TENM3: variants seen among roughly 807,000 people sequenced by gnomAD.
TENM3 encodes teneurin-3.
A neutral mutation model predicts 255.1 loss-of-function variants in TENM3; 63 were observed. That is an observed-to-expected ratio of 0.25 (90% CI 0.20 to 0.30). TENM3 has a LOEUF of 0.30. Among genes scored for constraint, TENM3 ranks in the 10% least tolerant of loss-of-function variants. The pLI is 1.00. For synonymous variants in TENM3, 1,306 were observed against 1,322.3 expected, an observed-to-expected ratio of 0.99 and a Z score of 0.27; for missense variants, 2,929 against 3,461.1, an observed-to-expected ratio of 0.85 and a Z score of 3.86.
chr4:181,673,811 G>A, the TENM3 span, among the ~76,000 whole-genome samples: 1 of 151,608 alleles, frequency 6.6e-6, no homozygotes, highest in Non-Finnish European at 1.5e-5. Flanking sequence ...TTGATACGAG[G>A]AGTAGTGACC....
the TENM3 span, among the ~76,000 whole-genome samples, chr4:181,586,237 C>A: frequency 6.6e-6 from 1 of 152,142 alleles, no homozygotes; most frequent in Non-Finnish European, 1.5e-5. Flanking sequence ...TGTGTCGGTT[C>A]TCACGCAGCT....
intron 3 of TENM3, among the ~76,000 whole-genome samples, chr4:182,400,491 C>G (rs1769146777): frequency 6.6e-6 from 1 of 152,150 alleles, no homozygotes; most frequent in African/African-American, 2.4e-5. Flanking sequence ...AGGCTCATTT[C>G]ATTTATTTCC....
chr4:181,744,936 G>A, the TENM3 span, among the ~76,000 whole-genome samples: 1 of 152,162 alleles, frequency 6.6e-6, no homozygotes, highest in Non-Finnish European at 1.5e-5. Flanking sequence ...ATTTCTAATT[G>A]CAAATGTCAG....
chr4:181,610,142 C>T, the TENM3 span, among the ~76,000 whole-genome samples: 1 of 152,130 alleles, frequency 6.6e-6, no homozygotes, highest in African/African-American at 2.4e-5. Context: ...AAAATGGAGA[C>T]GAACCACATC....
At chr4:181,449,133 C>A in the TENM3 span, among the ~76,000 whole-genome samples, 5 of 152,266 alleles carry the variant, frequency 3.3e-5, no homozygotes, top group African/African-American at 7.2e-5. Flanking sequence ...CATATTTTTA[C>A]ACTTTATTTT....
chr4:182,521,331 T>C (rs1738550767), intron 3 of TENM3, among the ~76,000 whole-genome samples: 1 of 152,250 alleles, frequency 6.6e-6, no homozygotes, highest in Admixed American at 6.5e-5. Context: ...AGACTTTTCC[T>C]GAGGGAAGTC....
intron 3 of TENM3, among the ~76,000 whole-genome samples, chr4:182,516,173 A>G (rs949440132): frequency 1.3e-5 from 2 of 152,242 alleles, no homozygotes; most frequent in African/African-American, 2.4e-5. Context: ...GTGAGTAGAA[A>G]TAGCACTGGA....
At chr4:182,631,301 T>C (rs985603459) in intron 5 of TENM3, among the ~76,000 whole-genome samples, 5 of 152,230 alleles carry the variant, frequency 3.3e-5, no homozygotes, top group Non-Finnish European at 5.9e-5. Context: ...ATCCCAGTGT[T>C]ATCTAGCAAA....
chr4:182,345,089 C>A (rs1179226735), intron 2 of TENM3, among the ~76,000 whole-genome samples: 1 of 152,146 alleles, frequency 6.6e-6, no homozygotes. Context: ...CTTTGATTTG[C>A]AGCTAATTGT....
the TENM3 span, among the ~76,000 whole-genome samples, chr4:181,730,928 A>C: frequency 6.6e-6 from 1 of 152,334 alleles, no homozygotes; most frequent in East Asian, 1.9e-4. Flanking sequence ...CCTTAACAAC[A>C]GTTTTCAGTA....
At chr4:181,868,126 A>G in the TENM3 span, among the ~76,000 whole-genome samples, 3 of 152,272 alleles carry the variant, frequency 2.0e-5, no homozygotes, top group South Asian at 2.1e-4. Flanking sequence ...TGTGAGAACC[A>G]TAAGTGCACA....
chr4:182,149,187 A>T (rs555450709), intron 1 of TENM3, among the ~76,000 whole-genome samples: 17 of 151,984 alleles, frequency 1.1e-4, no homozygotes, highest in Middle Eastern at 6.3e-3. Context: ...TTTCCAGCTT[A>T]AGACATCCAT....
At chr4:181,618,159 A>G in the TENM3 span, among the ~76,000 whole-genome samples, 1 of 152,168 alleles carries the variant, frequency 6.6e-6, no homozygotes. Context: ...AGGAGTCTGC[A>G]TTTGTGACAG....
At chr4:181,467,097 G>A in the TENM3 span, among the ~76,000 whole-genome samples, 6,121 of 65,984 alleles carry the variant, frequency 0.093, 513 homozygotes, top group African/African-American at 0.15. Context: ...GTGTGTGTGT[G>A]TGTGTGTATA....
rs766790743 is a variant in TENM3, at chr4:182,755,063, A to G, written c.4696A>G (p.Ile1566Val). 4 of 1,614,040 alleles carry G rather than the reference A, an allele frequency of 2.5e-6. No individual in the cohort carries two copies. The highest frequency in any genetic ancestry group is 3.4e-6 in the Non-Finnish European group (4 of 1,179,894). ...AGACAGCAATGGCAACACCCTTAGA[A>G]TTAGACGGGACCCAAATCGCATGCC... ...VTDSNGNTLR[I>V]RRDPNRMPVR... The change falls in exon 22 of 28, where the codon ATT becomes GTT. Residue 1566 changes from isoleucine (I) to valine (V), a missense_variant. This residue lies in a region of TENM3 where 1,608 missense variants were observed against 1,884.4 expected (regional missense o/e 0.85). Transcript: ENST00000511685.
intron 3 of TENM3, among the ~76,000 whole-genome samples, chr4:182,473,293 A>G (rs190508210): frequency 1.3e-5 from 2 of 152,358 alleles, no homozygotes; most frequent in African/African-American, 4.8e-5. Context: ...TCAGAAACAA[A>G]TGCTCTTCTT....
the TENM3 span, among the ~76,000 whole-genome samples, chr4:181,920,186 A>G: frequency 2.0e-5 from 3 of 152,076 alleles, no homozygotes; most frequent in Non-Finnish European, 2.9e-5. Flanking sequence ...TAGTGCCGCA[A>G]TAAACATACG....
the TENM3 span, among the ~76,000 whole-genome samples, chr4:181,547,797 T>C: frequency 6.6e-6 from 1 of 152,098 alleles, no homozygotes; most frequent in Admixed American, 6.6e-5. Flanking sequence ...TCCATTGATA[T>C]TTATTTATTT....
the TENM3 span, among the ~76,000 whole-genome samples, chr4:181,962,118 A>G: frequency 6.6e-6 from 1 of 152,230 alleles, no homozygotes; most frequent in Non-Finnish European, 1.5e-5. Flanking sequence ...ATTAAACTCC[A>G]GTCAATGTGT....
Sources: allele counts gnomAD v4.1 joint callset (sites outside exome capture counted in the v4.1 genomes callset), GRCh38; gene constraint gnomAD v4.1.1; regional missense constraint gnomAD v4.1.1; transcripts MANE v1.5; gene names NCBI Gene and HGNC (gene_info 2026-07-23, HGNC 2026-07-21).